MGAT4C: variants seen among roughly 807,000 people sequenced by gnomAD.
MGAT4C encodes MGAT4 family member C, also known as alpha-1,3-mannosyl-glycoprotein 4-beta-N-acetylglucosaminyltransferase C.
MGAT4C carries 19 observed loss-of-function variants against 40.1 expected under a neutral mutation model. The ratio of observed to expected loss-of-function variants is 0.47; its 90% CI spans 0.33 to 0.70. The LOEUF is 0.70. MGAT4C is among the 30% of genes least tolerant of loss of function. MGAT4C has a pLI of 0.02. For synonymous variants in MGAT4C, 181 were observed against 187.1 expected, an observed-to-expected ratio of 0.97 and a Z score of 0.27; for missense variants, 491 against 563.2, an observed-to-expected ratio of 0.87 and a Z score of 1.30.
At chr12:86,743,050 G>GTGTGTA (rs1245916759) in intron 1 of MGAT4C, among the ~76,000 whole-genome samples, 2 of 150,402 alleles carry the variant, frequency 1.3e-5, no homozygotes, top group Non-Finnish European at 3.0e-5. Flanking sequence ...TGTTTTGCAT[G>GTGTGTA]TGTGTATGTG....
chr12:86,233,204 AT>A (rs1479985878), intron 1 of MGAT4C, among the ~76,000 whole-genome samples: 1 of 152,176 alleles, frequency 6.6e-6, no homozygotes, highest in Non-Finnish European at 1.5e-5. Context: ...GGAAAGTGGT[AT>A]TTTGCAGGAA....
chr12:86,670,543 TA>T (rs370226766), intron 2 of MGAT4C, among the ~76,000 whole-genome samples: 28 of 151,742 alleles, frequency 1.8e-4, no homozygotes, highest in African/African-American at 4.6e-4. Flanking sequence ...AAAAAAGAAT[TA>T]AAAAAAATGA....
chr12:86,272,813 A>C (rs927206468), intron 4 of MGAT4C, among the ~76,000 whole-genome samples: 40 of 152,250 alleles, frequency 2.6e-4, no homozygotes, highest in African/African-American at 8.7e-4. Flanking sequence ...TGATCATGCC[A>C]ACACACTCCA....
intron 1 of MGAT4C, among the ~76,000 whole-genome samples, chr12:86,764,531 C>A (rs1489969509): frequency 1.6e-5 from 2 of 124,990 alleles, no homozygotes; most frequent in African/African-American, 5.8e-5. Context: ...CAGCACGCAG[C>A]TGGAGATCTG....
At chr12:86,046,356 A>G (rs1892394880) in intron 2 of MGAT4C, among the ~76,000 whole-genome samples, 1 of 152,162 alleles carries the variant, frequency 6.6e-6, no homozygotes, top group African/African-American at 2.4e-5. Flanking sequence ...GTCATTTTAT[A>G]CTTCAACTCT....
At chr12:86,223,037 G>C (rs908789942) in intron 1 of MGAT4C, among the ~76,000 whole-genome samples, 2 of 152,182 alleles carry the variant, frequency 1.3e-5, no homozygotes, top group African/African-American at 4.8e-5. Flanking sequence ...TTGTTCGAGA[G>C]AGGGAAAACA....
At chr12:86,335,528 G>C (rs573005131) in intron 3 of MGAT4C, among the ~76,000 whole-genome samples, 10 of 152,152 alleles carry the variant, frequency 6.6e-5, no homozygotes, top group Admixed American at 2.0e-4. Context: ...ATGGTTTCTT[G>C]GGGTTGGTTC....
At chr12:86,359,521 A>C in intron 3 of MGAT4C, among the ~76,000 whole-genome samples, 1 of 152,270 alleles carries the variant, frequency 6.6e-6, no homozygotes, top group East Asian at 1.9e-4. Flanking sequence ...AAAACCCTTC[A>C]AAAAATCAAT....
chr12:86,269,621 C>A lies in MGAT4C; in HGVS notation c.-57+64444G>T, dbSNP rs192150029. ...AGATCTCCAGTATTTTTCACTTTCT[C>A]CTCATTTTTCTTCTTAGAGAAACTG... On this transcript the variant is annotated intron_variant, in intron 4 of 7. Coordinates refer to the MGAT4C transcript ENST00000548651. 2.0e-4 allele frequency among the ~76,000 whole-genome samples: 31 copies of A among 151,338 alleles called. No homozygotes were observed. In the East Asian group the frequency reaches 5.6e-3, roughly 27 times the overall value.
intron 2 of MGAT4C, among the ~76,000 whole-genome samples, chr12:86,722,645 C>G (rs576607591): frequency 1.2e-3 from 177 of 152,228 alleles, no homozygotes; most frequent in Admixed American, 2.1e-3. Context: ...AATAACAGAG[C>G]TTTTGTTAAA....
At chr12:86,601,572 G>A (rs754971175) in intron 2 of MGAT4C, among the ~76,000 whole-genome samples, 1 of 152,074 alleles carries the variant, frequency 6.6e-6, no homozygotes, top group Non-Finnish European at 1.5e-5. Flanking sequence ...AATTGTCTGA[G>A]TAATCTCATT....
chr12:85,999,658 T>C (rs1887078143), intron 2 of MGAT4C, among the ~76,000 whole-genome samples: 1 of 151,706 alleles, frequency 6.6e-6, no homozygotes, highest in African/African-American at 2.4e-5. Flanking sequence ...GAATACTATT[T>C]AGCCATAAAA....
At chr12:86,706,874 T>C (rs190510566) in intron 2 of MGAT4C, among the ~76,000 whole-genome samples, 19 of 152,270 alleles carry the variant, frequency 1.2e-4, no homozygotes, top group Admixed American at 9.2e-4. Flanking sequence ...TAGGAGGTAA[T>C]TGAATCATGG....
chr12:85,990,808 T>C (rs1394311543), intron 2 of MGAT4C, among the ~76,000 whole-genome samples: 3 of 152,210 alleles, frequency 2.0e-5, no homozygotes, highest in African/African-American at 7.2e-5. Flanking sequence ...TTTGTAGAAA[T>C]TGTAAATATG....
chr12:86,011,583 G>A (rs1489195856), intron 2 of MGAT4C, among the ~76,000 whole-genome samples: 2 of 152,154 alleles, frequency 1.3e-5, no homozygotes, highest in Non-Finnish European at 2.9e-5. Flanking sequence ...TAATAGTATA[G>A]TAGAAAACGG....
At chr12:86,210,691 C>T (rs886539136) in intron 1 of MGAT4C, among the ~76,000 whole-genome samples, 3 of 152,166 alleles carry the variant, frequency 2.0e-5, no homozygotes, top group Non-Finnish European at 2.9e-5. Flanking sequence ...AATTAAAGTG[C>T]CAAACTTTTT....
At chr12:86,312,001 A>C (rs1296698920) in intron 4 of MGAT4C, among the ~76,000 whole-genome samples, 1 of 152,220 alleles carries the variant, frequency 6.6e-6, no homozygotes, top group Non-Finnish European at 1.5e-5. Context: ...ACAATATTAA[A>C]TAGAAAATAA....
rs1882949516 is a variant in MGAT4C, at chr12:85,958,685, A to G, written c.*20604T>C. On this transcript the variant is annotated 3_prime_UTR_variant, in exon 5 of 5. Coordinates refer to ENST00000611864, the MANE Select transcript of MGAT4C (RefSeq NM_001351288.2). ...TTGACAAATTCACTTACAACTAGCA[A>G]TTTTAAAGACTTAAAGTTTAATTTT... 1 of 152,106 alleles carries G rather than the reference A, an allele frequency of 6.6e-6. No individual in the cohort carries two copies. 9.4% of individuals were successfully genotyped at this position (152,106 alleles called of 1,614,324 possible).
intron 2 of MGAT4C, among the ~76,000 whole-genome samples, chr12:86,623,189 C>G (rs1428320660): frequency 6.6e-6 from 1 of 151,994 alleles, no homozygotes; most frequent in East Asian, 1.9e-4. Flanking sequence ...AACAACCAAA[C>G]CTGTTCAAAA....
Sources: gnomAD v4.1 joint callset for allele counts (sites outside exome capture counted in the v4.1 genomes callset) on GRCh38, gnomAD v4.1.1 for gene constraint, MANE v1.5 for transcripts, NCBI Gene and HGNC (gene_info 2026-07-23, HGNC 2026-07-21) for gene names.